RTCB: variants seen among roughly 807,000 people sequenced by gnomAD.
The protein encoded by RTCB is RNA 2',3'-cyclic phosphate and 5'-OH ligase.
Under a neutral mutation model 58.2 loss-of-function variants are expected in RTCB, and 32 were observed. The ratio of observed to expected loss-of-function variants is 0.55; its 90% confidence interval spans 0.41 to 0.74. The LOEUF (loss-of-function observed/expected upper bound fraction) is 0.74, where lower values mean the gene tolerates loss of function less well. Ranked by LOEUF, RTCB falls within the 30% of genes least tolerant of loss-of-function variation. The pLI is 0.00. For missense variants in RTCB, 523 were observed against 639.0 expected, an observed-to-expected ratio of 0.82 and a Z score of 1.96; for synonymous variants, 247 against 218.6, an observed-to-expected ratio of 1.13 and a Z score of -1.15.
At chr22:32,410,717 C>CTTT (rs1027672566) in intron 1 of RTCB, among the ~76,000 whole-genome samples, 1 of 119,966 alleles carries the variant, frequency 8.3e-6, no homozygotes, top group African/African-American at 3.5e-5. Flanking sequence ...TTTTCTTTTT[C>CTTT]TTTTCTTTTT....
intron 10 of RTCB, 177 bp from the exon 11 acceptor site, chr22:32,392,536 T>C (rs532942929): frequency 6.0e-6 from 5 of 837,822 alleles, no homozygotes; most frequent in Admixed American, 4.0e-5. Flanking sequence ...GAATTCTTTG[T>C]TGGGAGGCTG....
At chr22:32,404,301 T>A (rs964080626) in intron 4 of RTCB, among the ~76,000 whole-genome samples, 3 of 152,286 alleles carry the variant, frequency 2.0e-5, no homozygotes, top group Non-Finnish European at 4.4e-5. Context: ...TGTCCTTTAC[T>A]TAACTCAATG....
chr22:32,407,062 A>T (rs1933438094), intron 3 of RTCB, among the ~76,000 whole-genome samples: 1 of 152,234 alleles, frequency 6.6e-6, no homozygotes, highest in African/African-American at 2.4e-5. Flanking sequence ...GTACTATTAC[A>T]TTTTAAAAAT....
intron 9 of RTCB, 116 bp from the exon 10 acceptor site, chr22:32,394,118 T>C: frequency 1.6e-6 from 1 of 640,252 alleles, no homozygotes; most frequent in Non-Finnish European, 2.6e-6. Flanking sequence ...AGACTTCTTT[T>C]TTTTTTTTTT....
intron 10 of RTCB, 46 bp downstream of exon 10, chr22:32,393,846 G>C: frequency 2.2e-6 from 3 of 1,334,222 alleles, no homozygotes; most frequent in South Asian, 2.3e-5. Context: ...GAAAACCATA[G>C]CTAAACTGAA....
rs1933293779 is a variant in RTCB at position 32,399,214 on chromosome 22, G to A, written c.654+389C>T. On this transcript the variant is annotated intron_variant, in intron 6 of 11. Coordinates refer to ENST00000216038, the MANE Select transcript of RTCB (RefSeq NM_014306.5). ...TGCACTGGCGTGATCACAGCTCACT[G>A]CAGCCTCAAACTCCTAGGCTCAAGC... 5.9e-5 allele frequency among the ~76,000 whole-genome samples: 9 copies of A among 152,266 alleles called. No individual in the cohort carries two copies. In the South Asian group the frequency reaches 1.9e-3, roughly 32 times the overall value.
At chr22:32,391,403 T>C (rs185233542) in intron 11 of RTCB, among the ~76,000 whole-genome samples, 3 of 151,834 alleles carry the variant, frequency 2.0e-5, no homozygotes, top group Middle Eastern at 3.4e-3. Context: ...AAATTTTTTT[T>C]TTTTTTTTTT....
rs372730129 is a variant in RTCB at position 32,399,431 on chromosome 22, C to A, written c.654+172G>T. On this transcript the variant is annotated intron_variant, in intron 6 of 11. Transcript: ENST00000216038. ...AGCTGGTGTGAGCCACCGCATCCAG[C>A]CCTGATAGTTTTTTTAGAATAAAAA... Among the ~76,000 whole-genome samples, 133 of 151,936 alleles carry A rather than the reference C, an allele frequency of 8.8e-4. 2 individuals are homozygous for A. The South Asian group carries it at 0.027, about 31-fold the overall frequency.
intron 8 of RTCB, 80 bp downstream of exon 8, chr22:32,395,994 C>G: frequency 1.4e-6 from 2 of 1,445,478 alleles, no homozygotes; most frequent in Non-Finnish European, 1.9e-6. Flanking sequence ...GCCACCGTGT[C>G]CAGCCTGGAC....
intron 1 of RTCB, among the ~76,000 whole-genome samples, chr22:32,410,072 T>C (rs1933494320): frequency 6.6e-6 from 1 of 152,128 alleles, no homozygotes; most frequent in African/African-American, 2.4e-5. Flanking sequence ...CATCTCAGCC[T>C]CCCAAAGTGC....
chr22:32,393,713 AG>A (rs1366850224), intron 10 of RTCB, among the ~76,000 whole-genome samples, 178 bp downstream of exon 10: 1 of 152,338 alleles, frequency 6.6e-6, no homozygotes, highest in East Asian at 1.9e-4. Flanking sequence ...CAGAGATACT[AG>A]GTGACCCCAG....
chr22:32,398,176 T>C, intron 6 of RTCB, 76 bp from the exon 7 acceptor site: 1 of 1,497,660 alleles, frequency 6.7e-7, no homozygotes, highest in South Asian at 1.2e-5. Context: ...ACCAAAAAGA[T>C]AAAAACAAAC....
At position 32,394,061 on chromosome 22, in the gene RTCB, A is replaced by G. The variant is rs1933200663; in HGVS notation, c.1180-59T>C. Reference sequence around the variant, plus strand: ...TCAGAAAAACATAGGCTTTTTATGCATAAAATTTAAATTTTCTCTTGCACT... The same window carrying G: ...TCAGAAAAACATAGGCTTTTTATGCGTAAAATTTAAATTTTCTCTTGCACT... On this transcript the variant is annotated intron_variant, in intron 9 of 11. Transcript: ENST00000216038. 4.1e-6 allele frequency: 5 copies of G among 1,213,782 alleles called. No homozygotes were observed. In the African/African-American group the frequency reaches 4.5e-5, roughly 11 times the overall value. The allele number at this position is 1,213,782 out of a possible 1,614,324, so 75.2% of individuals were successfully genotyped here. A position where few individuals can be genotyped will look rare whatever the true frequency, so the allele number is the denominator to read the frequency against.
chr22:32,390,555 TCTC>T (rs1933137445), intron 11 of RTCB, among the ~76,000 whole-genome samples: 1 of 152,120 alleles, frequency 6.6e-6, no homozygotes, highest in Admixed American at 6.5e-5. Context: ...TTCACGCCGT[TCTC>T]CTGCCTCAGC....
At chr22:32,397,496 T>C (rs1378079929) in intron 7 of RTCB, among the ~76,000 whole-genome samples, 2 of 152,262 alleles carry the variant, frequency 1.3e-5, no homozygotes, top group African/African-American at 4.8e-5. Context: ...ATGAGACAAT[T>C]TGAGTGCAAA....
At chr22:32,410,037 CG>C (rs1289964625) in intron 1 of RTCB, among the ~76,000 whole-genome samples, 2 of 152,068 alleles carry the variant, frequency 1.3e-5, no homozygotes, top group Non-Finnish European at 2.9e-5. Flanking sequence ...AGGATGGTCT[CG>C]ATCTCCTGAC....
chr22:32,393,513 G>A (rs868511190), intron 10 of RTCB, among the ~76,000 whole-genome samples: 7 of 152,286 alleles, frequency 4.6e-5, no homozygotes, highest in Non-Finnish European at 7.3e-5. Context: ...TACACAATAG[G>A]AAGGGGCAAA....
In RTCB at chr22:32,387,951, G is replaced by C. The variant is rs1340787047; in HGVS notation, c.*41C>G. ...AGCATGTCAGTCCACTTCCACTTCA[G>C]AGAGGGTTGGTGGTGTCAGGCAGCC... On this transcript the variant is annotated 3_prime_UTR_variant, in exon 12 of 12. Transcript: ENST00000216038. 2.2e-5 allele frequency: 28 copies of C among 1,289,104 alleles called. No homozygotes were observed. The highest frequency in any genetic ancestry group is 3.2e-5 in the Non-Finnish European group (28 of 885,178). The allele number at this position is 1,289,104 out of a possible 1,614,324, so 79.9% of individuals were successfully genotyped here. A position where few individuals can be genotyped will look rare whatever the true frequency, so the allele number is the denominator to read the frequency against.
At chr22:32,405,601 G>A (rs931217135) in intron 4 of RTCB, among the ~76,000 whole-genome samples, 1 of 152,160 alleles carries the variant, frequency 6.6e-6, no homozygotes, top group African/African-American at 2.4e-5. Flanking sequence ...AGCCCTACAT[G>A]TAGGGCTCAC....
Sources: gnomAD v4.1 joint callset for allele counts (sites outside exome capture counted in the v4.1 genomes callset) on GRCh38, gnomAD v4.1.1 for gene constraint, MANE v1.5 for transcripts, NCBI Gene and HGNC (gene_info 2026-07-23, HGNC 2026-07-21) for gene names.